The following OPHN1 variants were observed in gnomAD, a reference collection of about 807,000 sequenced individuals.
OPHN1 encodes the protein oligophrenin-1.
OPHN1 carries 11 observed loss-of-function variants against 60.7 expected under a neutral mutation model. The ratio of observed to expected loss-of-function variants is 0.18; its 90% CI spans 0.11 to 0.30. OPHN1 has a LOEUF of 0.30. Among genes scored for constraint, OPHN1 ranks in the 10% least tolerant of loss-of-function variants. OPHN1 has a pLI of 1.00. For missense variants in OPHN1, 449 were observed against 611.0 expected (o/e 0.73, Z 2.80); for synonymous variants, 226 against 222.6 (o/e 1.02, Z -0.14).
chrX:68,385,848 TA>T (rs766693575), intron 2 of OPHN1, among the ~76,000 whole-genome samples: 67 of 112,009 alleles, frequency 6.0e-4, no homozygotes, highest in Non-Finnish European at 1.1e-3. Context: ...AAGTCTGAGT[TA>T]GGGGCAAGTA....
At chrX:68,357,093 C>T (rs1001462691) in intron 2 of OPHN1, among the ~76,000 whole-genome samples, 1 of 111,299 alleles carries the variant, frequency 9.0e-6, no homozygotes, top group Non-Finnish European at 1.9e-5. Flanking sequence ...TATACTAAAA[C>T]TCAGTGAATT....
intron 19 of OPHN1, among the ~76,000 whole-genome samples, chrX:68,093,989 A>C (rs767869497): frequency 2.7e-5 from 3 of 110,244 alleles, no homozygotes; most frequent in Non-Finnish European, 5.7e-5. Flanking sequence ...AATAAGTCCT[A>C]GGCTCTAACA....
At chrX:68,380,731 A>T (rs1333904450) in intron 2 of OPHN1, among the ~76,000 whole-genome samples, 1 of 111,263 alleles carries the variant, frequency 9.0e-6, no homozygotes, top group East Asian at 2.8e-4. Context: ...TCCATGTAGT[A>T]GAGTGGTTTT....
chrX:68,222,058 C>T (rs1322558216), intron 6 of OPHN1, among the ~76,000 whole-genome samples: 1 of 107,687 alleles, frequency 9.3e-6, no homozygotes. Context: ...CCAGAATCTA[C>T]AATGAACTCA....
chrX:68,089,827 A>G (rs924623873), intron 19 of OPHN1, among the ~76,000 whole-genome samples: 48 of 111,870 alleles, frequency 4.3e-4, no homozygotes, highest in African/African-American at 1.5e-3. Context: ...GTAACTGGGC[A>G]TTTGAAGAAT....
At chrX:68,289,411 G>A (rs1361216561) in intron 3 of OPHN1, among the ~76,000 whole-genome samples, 5 of 112,143 alleles carry the variant, frequency 4.5e-5, no homozygotes, top group African/African-American at 1.3e-4. Context: ...AGAAAACTGA[G>A]GTTTAATTTA....
intron 2 of OPHN1, among the ~76,000 whole-genome samples, chrX:68,432,382 C>A (rs2078889873): frequency 9.0e-6 from 1 of 111,679 alleles, no homozygotes; most frequent in African/African-American, 3.3e-5. Flanking sequence ...AAATAACTTG[C>A]CATGGCGAAT....
intron 2 of OPHN1, among the ~76,000 whole-genome samples, chrX:68,300,212 G>A (rs2078113560): frequency 9.0e-6 from 1 of 111,348 alleles, no homozygotes; most frequent in African/African-American, 3.3e-5. Context: ...CATATGCATG[G>A]ACTTACTGAG....
chrX:68,362,323 A>T (rs1232681205), intron 2 of OPHN1, among the ~76,000 whole-genome samples: 1 of 111,485 alleles, frequency 9.0e-6, no homozygotes, highest in Non-Finnish European at 1.9e-5. Context: ...AAAAAGTCTA[A>T]CTCATAAAAG....
At chrX:68,284,768 T>C (rs1453502227) in intron 3 of OPHN1, among the ~76,000 whole-genome samples, 1 of 111,788 alleles carries the variant, frequency 8.9e-6, no homozygotes, top group Non-Finnish European at 1.9e-5. Context: ...TTGCCTACTC[T>C]AGACATTTCT....
At position 68,064,127 on chromosome X, in the gene OPHN1, G is replaced by T. The variant is rs760598866; in HGVS notation, c.1885C>A (p.Pro629Thr). The T allele has an allele frequency of 1.7e-6, 2 of 1,208,743 alleles. No individual in the cohort carries two copies. The highest frequency in any genetic ancestry group is 2.2e-5 in the Admixed American group (1 of 45,671). The change falls in exon 21 of 25, where the codon CCC (proline) becomes ACC (threonine). Residue 629 changes from proline to threonine, a missense_variant. By Grantham distance (38) the Pro-to-Thr change is conservative (BLOSUM62 -1). Around this residue, in one of 4 missense-constraint regions of OPHN1, gnomAD observed 184 missense variants for 160.5 expected, o/e 1.15. Coordinates refer to ENST00000355520, the MANE Select transcript of OPHN1 (RefSeq NM_002547.3). ...TTGGGGTGTTGTGGTGGCTTGGGGG[G>T]TTCTATGCTGCTGGTGATAGTACCA... ...PNGTITSSIEPPKPPQHPKLP... is the reference protein window; with the variant it reads ...PNGTITSSIETPKPPQHPKLP...
At chrX:68,316,701 C>T (rs1294998909) in intron 2 of OPHN1, among the ~76,000 whole-genome samples, 1 of 111,811 alleles carries the variant, frequency 8.9e-6, no homozygotes, top group African/African-American at 3.3e-5. Flanking sequence ...TTCTCTCTTT[C>T]CTGCCTCCCT....
chrX:68,164,101 T>C (rs2077347691), intron 15 of OPHN1, among the ~76,000 whole-genome samples: 1 of 111,458 alleles, frequency 9.0e-6, no homozygotes, highest in African/African-American at 3.3e-5. Context: ...ATTTTATAGA[T>C]GGAGATCAGG....
intron 5 of OPHN1, among the ~76,000 whole-genome samples, chrX:68,259,022 A>T (rs1194568467): frequency 8.9e-6 from 1 of 112,231 alleles, no homozygotes; most frequent in East Asian, 2.8e-4. Context: ...AAAAATGCAT[A>T]GATTCTACAA....
chrX:68,219,841 A>C (rs1433221863), intron 6 of OPHN1, among the ~76,000 whole-genome samples: 1 of 102,645 alleles, frequency 9.7e-6, no homozygotes, highest in African/African-American at 3.5e-5. Context: ...AAGATCCAAA[A>C]TTGTCACCCT....
At chrX:68,273,684 T>G (rs73634110) in intron 5 of OPHN1, among the ~76,000 whole-genome samples, 1 of 111,805 alleles carries the variant, frequency 8.9e-6, no homozygotes, top group Non-Finnish European at 1.9e-5. Context: ...GTTACCATAA[T>G]AGACAGCAAA....
chrX:68,229,082 A>G (rs1314571565), intron 6 of OPHN1, among the ~76,000 whole-genome samples: 2 of 111,616 alleles, frequency 1.8e-5, no homozygotes, highest in African/African-American at 6.5e-5. Flanking sequence ...TACAAAATCA[A>G]TGTGCAAAAG....
At chrX:68,087,684 AC>A (rs2077000698) in intron 19 of OPHN1, among the ~76,000 whole-genome samples, 2 of 112,124 alleles carry the variant, frequency 1.8e-5, no homozygotes, top group African/African-American at 6.5e-5. Flanking sequence ...GTACAAAAAA[AC>A]ATTTTGCCTT....
At chrX:68,267,760 A>G (rs2077939941) in intron 5 of OPHN1, among the ~76,000 whole-genome samples, 1 of 111,795 alleles carries the variant, frequency 8.9e-6, no homozygotes, top group East Asian at 2.8e-4. Flanking sequence ...TTTTTTGAAA[A>G]GATCAACAAA....
Sources: gnomAD v4.1 joint callset for allele counts (sites outside exome capture counted in the v4.1 genomes callset) on GRCh38, gnomAD v4.1.1 for gene constraint, gnomAD v4.1.1 regional missense constraint, MANE v1.5 for transcripts, NCBI Gene and HGNC (gene_info 2026-07-23, HGNC 2026-07-21) for gene names.